C12orf43: variants seen among roughly 807,000 people sequenced by gnomAD.
C12orf43 encodes chromosome 12 open reading frame 43.
A neutral mutation model predicts 20.6 loss-of-function variants in C12orf43; 15 were observed. The ratio of observed to expected loss-of-function variants is 0.73; its 90% CI spans 0.49 to 1.12. The LOEUF (loss-of-function observed/expected upper bound fraction) is 1.12. C12orf43 is among the 50% of genes most tolerant of loss of function. The probability of loss-of-function intolerance (pLI) is 0.00; values close to 1 mark genes in which losing one functional copy is unlikely to be tolerated. For missense variants in C12orf43, 334 were observed against 344.4 expected (o/e 0.97, Z 0.24); for synonymous variants, 144 against 130.8 (o/e 1.10, Z -0.69).
At chr12:121,013,048 T>C (rs1326077823) in intron 1 of C12orf43, among the ~76,000 whole-genome samples, 1 of 152,048 alleles carries the variant, frequency 6.6e-6, no homozygotes, top group Non-Finnish European at 1.5e-5. Flanking sequence ...GGCCATGGTG[T>C]AAGAAACAGC....
rs140595650 is a variant in C12orf43, at chr12:121,004,176, C to T, written c.766G>A (p.Ala256Thr). ...GTTCAGTTTGCAGGTATAGCTGTAG[C>T]ACTCTTTGCTGGTGGGAATGGAGAG... ...ETSPFPPAKS[A>T]TAIPAN The change falls in exon 6 of 6, where the codon GCT (alanine) becomes ACT (threonine). Residue 256 changes from alanine (A) to threonine (T), a missense_variant. Ala to Thr is a moderately conservative substitution (Grantham distance 58). Transcript: ENST00000288757. This position sits in a 1 kb window ranked among gnomAD's most constrained non-coding sequence, Gnocchi z 5.6. 1.9e-6 allele frequency: 3 copies of T among 1,614,090 alleles called. No individual in the cohort carries two copies. Among genetic ancestry groups the T allele is most frequent in the African/African-American group, 2.7e-5 (2 of 74,922 alleles).
rs1877502866 is a variant in C12orf43, at chr12:121,001,737, C to T, written c.*2416G>A. ...CATGCCATTTGTACTGACCCCATCA[C>T]CTACTCACACAGGCATTTCCTGGGT... On this transcript the variant is annotated 3_prime_UTR_variant, in exon 6 of 6. Coordinates refer to ENST00000288757, the MANE Select transcript of C12orf43 (RefSeq NM_022895.3). 1.9e-6 allele frequency: 1 copy of T among 530,408 alleles called. No homozygotes were observed. Among genetic ancestry groups the T allele is most frequent in the African/African-American group, 1.9e-5 (1 of 53,734 alleles). The allele number at this position is 530,408 out of a possible 1,614,324, so 32.9% of individuals were successfully genotyped here.
At chr12:121,008,284 G>A (rs1205219258) in intron 3 of C12orf43, among the ~76,000 whole-genome samples, 2 of 151,956 alleles carry the variant, frequency 1.3e-5, no homozygotes, top group South Asian at 2.1e-4. Context: ...ACAGGTGCAC[G>A]CCACCATGCC....
Position 121,012,849 on chromosome 12 carries a change from TAA to T in C12orf43, c.146-1705_146-1704del, listed in dbSNP as rs10636003. ...CCTGGTGACAGAGCAAGACTCCGTCTAAAAAAAAAAAAAAAAAAAAAAAAAGA... is the reference window on the plus strand; with the variant it reads ...CCTGGTGACAGAGCAAGACTCCGTCTAAAAAAAAAAAAAAAAAAAAAAAGA... On this transcript the variant is annotated intron_variant, in intron 1 of 5. Transcript: ENST00000288757. Among the ~76,000 whole-genome samples, 166 of 91,952 alleles carry T rather than the reference TAA, an allele frequency of 1.8e-3. 1 individual carries two copies. Among genetic ancestry groups the T allele is most frequent in the African/African-American group, 7.1e-3 (138 of 19,406 alleles). 60.3% of individuals were successfully genotyped at this position (91,952 alleles called of 152,430 possible). A position where few individuals can be genotyped will look rare whatever the true frequency, so the allele number is the denominator to read the frequency against.
intron 3 of C12orf43, among the ~76,000 whole-genome samples, chr12:121,008,102 C>T (rs1878159674): frequency 6.6e-6 from 1 of 151,858 alleles, no homozygotes. Flanking sequence ...AGACACTGAC[C>T]TAACACTAGG....
chr12:121,007,045 C>T (rs1434653459), intron 3 of C12orf43: 2 of 152,332 alleles, frequency 1.3e-5, no homozygotes, highest in African/African-American at 4.8e-5. Context: ...AAGTCCTATA[C>T]ACTTGTTAGA....
Position 121,002,546 on chromosome 12 carries a change from T to G in C12orf43, c.*1607A>C. On this transcript the variant is annotated 3_prime_UTR_variant, in exon 6 of 6. Coordinates refer to ENST00000288757, the MANE Select transcript of C12orf43 (RefSeq NM_022895.3). ...TTGTCCACAAATCATTCAGATGGGG[T>G]TTGGGCAGGTAGCGGGAGGCTGGGG... 2.0e-6 allele frequency: 1 copy of G among 491,910 alleles called. No individual in the cohort carries two copies. Among genetic ancestry groups the G allele is most frequent in the Admixed American group, 2.3e-5 (1 of 42,876 alleles). The allele number at this position is 491,910 out of a possible 1,614,324, so 30.5% of individuals were successfully genotyped here. A position where few individuals can be genotyped will look rare whatever the true frequency, so the allele number is the denominator to read the frequency against.
At chr12:121,014,182 A>T (rs1199923776) in intron 1 of C12orf43, among the ~76,000 whole-genome samples, 3 of 151,612 alleles carry the variant, frequency 2.0e-5, no homozygotes, top group Non-Finnish European at 4.4e-5. Context: ...ATAAAAAAAA[A>T]TTAGCTGGGC....
At position 121,010,950 on chromosome 12, in the gene C12orf43, C is replaced by A. The variant is rs944247285; in HGVS notation, c.189-24G>T. On this transcript the variant is annotated intron_variant, in intron 2 of 5. Coordinates refer to ENST00000288757, the MANE Select transcript of C12orf43 (RefSeq NM_022895.3). The stretch of plus-strand genomic sequence containing the variant: ...GCCTACGACACACACAAAGAGACCT[C>A]ACTTCCTGCCCGCTCAGAAGCTGTC... 2.5e-6 allele frequency: 4 copies of A among 1,612,884 alleles called. No homozygotes were observed. In the African/African-American group the frequency reaches 5.3e-5, roughly 22 times the overall value.
rs1026057939 is a variant in C12orf43, at chr12:121,012,377, G to A, written c.146-1231C>T. The A allele has an allele frequency of 1.0e-5, 7 of 702,236 alleles. No individual in the cohort carries two copies. The African/African-American group carries it at 1.2e-4, about 12-fold the overall frequency. The allele number at this position is 702,236 out of a possible 1,614,324, so 43.5% of individuals were successfully genotyped here. ...TGACGTGGGCCAATGGGAGGACCTG[G>A]ACTTTGAGGAGGAGGAGCTCTGGAA... On this transcript the variant is annotated intron_variant, in intron 1 of 5. Transcript: ENST00000288757.
chr12:121,004,444 C>T lies in C12orf43; in HGVS notation c.498G>A (p.Val166=). ...ACTCCTGTAGGATGTCGGACGCCGA[C>T]ACAGCTGCCTCCCGGCACCGCCGCC... The part of the protein sequence containing the change: ...EEWRRCREAA[V]SASDILQESA... Residue 166 remains valine, a synonymous_variant, in exon 6 of 6, where the codon GTG becomes GTA. Coordinates refer to ENST00000288757, the MANE Select transcript of C12orf43 (RefSeq NM_022895.3). The surrounding 1 kb of genome is among the most constrained non-coding windows in gnomAD (Gnocchi z 5.6). 1.9e-6 allele frequency: 3 copies of T among 1,611,980 alleles called. No individual in the cohort carries two copies. The highest frequency in any genetic ancestry group is 2.5e-6 in the Non-Finnish European group (3 of 1,179,218).
Position 121,005,296 on chromosome 12 carries a change from C to T in C12orf43, c.362-203G>A, listed in dbSNP as rs916725550. 6.6e-6 allele frequency among the ~76,000 whole-genome samples: 1 copy of T among 150,796 alleles called. No homozygotes were observed. Among genetic ancestry groups the T allele is most frequent in the Non-Finnish European group, 1.5e-5 (1 of 67,396 alleles). On this transcript the variant is annotated intron_variant, in intron 4 of 5. Coordinates refer to ENST00000288757, the MANE Select transcript of C12orf43 (RefSeq NM_022895.3). The surrounding 1 kb of genome is among the most constrained non-coding windows in gnomAD (Gnocchi z 5.6). ...AAGAAACAATAACAAAAAAACCCAA[C>T]CAAGCAAACAAACAAAAAAAACAAA...
At position 121,003,952 on chromosome 12, in the gene C12orf43, G is replaced by T; in HGVS notation, c.*201C>A. On this transcript the variant is annotated 3_prime_UTR_variant, in exon 6 of 6. Coordinates refer to ENST00000288757, the MANE Select transcript of C12orf43 (RefSeq NM_022895.3). Reference sequence around the variant, plus strand: ...GAGCACAGAGGGGCAGGCCTTGATTGGTCTTCTCACCCTACAGCCACTTTT... The same window carrying T: ...GAGCACAGAGGGGCAGGCCTTGATTTGTCTTCTCACCCTACAGCCACTTTT... 1 of 619,988 alleles carries T rather than the reference G, an allele frequency of 1.6e-6. No homozygotes were observed. Among genetic ancestry groups the T allele is most frequent in the Non-Finnish European group, 2.9e-6 (1 of 349,606 alleles). 38.4% of individuals were successfully genotyped at this position (619,988 alleles called of 1,614,324 possible). A position where few individuals can be genotyped will look rare whatever the true frequency, so the allele number is the denominator to read the frequency against.
Position 121,002,063 on chromosome 12 carries a change from C to T in C12orf43, c.*2090G>A. 1 of 536,628 alleles carries T rather than the reference C, an allele frequency of 1.9e-6. No individual in the cohort carries two copies. The highest frequency in any genetic ancestry group is 3.6e-6 in the Non-Finnish European group (1 of 276,628). 33.2% of individuals were successfully genotyped at this position (536,628 alleles called of 1,614,324 possible). A position where few individuals can be genotyped will look rare whatever the true frequency, so the allele number is the denominator to read the frequency against. ...GGGGCAGCTCCTCTGTCTCGAGCGCCCTGCAGACCCTGCCCTTGTTTGGGG... is the reference window on the plus strand; with the variant it reads ...GGGGCAGCTCCTCTGTCTCGAGCGCTCTGCAGACCCTGCCCTTGTTTGGGG... On this transcript the variant is annotated 3_prime_UTR_variant, in exon 6 of 6. Transcript: ENST00000288757.
chr12:121,010,120 G>A (rs1313412219), intron 3 of C12orf43, among the ~76,000 whole-genome samples: 7 of 152,190 alleles, frequency 4.6e-5, no homozygotes, highest in African/African-American at 1.7e-4. Flanking sequence ...TGGTCAACAC[G>A]GTGAAACCCC....
At chr12:121,006,215 CAAAAAAAGAAAAA>C in intron 4 of C12orf43, 93 bp downstream of exon 4, 1 of 933,858 alleles carries the variant, frequency 1.1e-6, no homozygotes, top group African/African-American at 1.9e-5. Flanking sequence ...GTTCCTATCT[CAAAAAAAGAAAAA>C]AAAAAAAGAA....
Position 121,005,954 on chromosome 12 carries a change from C to T in C12orf43, c.361+367G>A, listed in dbSNP as rs186912912. The T allele has an allele frequency of 2.7e-4, 50 of 187,344 alleles. No individual in the cohort carries two copies. Among genetic ancestry groups the T allele is most frequent in the African/African-American group, 1.2e-3 (49 of 42,000 alleles). 11.6% of individuals were successfully genotyped at this position (187,344 alleles called of 1,614,324 possible). Reference sequence around the variant, plus strand: ...AAAATTAGCCAGGTGTGGTGGTGCACGCCTGTAGTCCCAGAACTTTGGAAG... The same window carrying T: ...AAAATTAGCCAGGTGTGGTGGTGCATGCCTGTAGTCCCAGAACTTTGGAAG... On this transcript the variant is annotated intron_variant, in intron 4 of 5. Transcript: ENST00000288757. The surrounding 1 kb of genome is among the most constrained non-coding windows in gnomAD (Gnocchi z 5.6).
chr12:121,004,957 A>G lies in C12orf43; in HGVS notation c.452+46T>C, dbSNP rs2135865137. On this transcript the variant is annotated intron_variant, in intron 5 of 5. Transcript: ENST00000288757. This position sits in a 1 kb window ranked among gnomAD's most constrained non-coding sequence, Gnocchi z 5.6. ...ATTCCAGGGAACCCACCAAGACAGAAGAGGAGAAAAAAGGAGGGGACGTGA... is the reference window on the plus strand; with the variant it reads ...ATTCCAGGGAACCCACCAAGACAGAGGAGGAGAAAAAAGGAGGGGACGTGA... 3 of 1,378,794 alleles carry G rather than the reference A, an allele frequency of 2.2e-6. No individual in the cohort carries two copies. The East Asian group carries it at 7.8e-5, about 36-fold the overall frequency. The allele number at this position is 1,378,794 out of a possible 1,614,324, so 85.4% of individuals were successfully genotyped here.
intron 2 of C12orf43, 70 bp from the exon 3 acceptor site, chr12:121,010,996 G>A (rs777415707): frequency 6.3e-7 from 1 of 1,594,248 alleles, no homozygotes; most frequent in Non-Finnish European, 8.6e-7. Context: ...CAGGGACCAT[G>A]TGTGTCTTGT....
Sources: gnomAD v4.1 joint callset for allele counts (sites outside exome capture counted in the v4.1 genomes callset) on GRCh38, gnomAD v4.1.1 for gene constraint, Gnocchi (gnomAD v3.1) non-coding constraint, MANE v1.5 for transcripts, NCBI Gene and HGNC (gene_info 2026-07-23, HGNC 2026-07-21) for gene names.